SLC16A4: variants seen among roughly 807,000 people sequenced by gnomAD.
The protein encoded by SLC16A4 is solute carrier family 16 member 4.
Under a neutral mutation model 47.9 loss-of-function variants are expected in SLC16A4, and 39 were observed. The ratio of observed to expected loss-of-function variants is 0.81; its 90% CI spans 0.63 to 1.06. The LOEUF is 1.06. Ranked by LOEUF, SLC16A4 falls within the 50% of genes least tolerant of loss-of-function variation. The pLI is 0.00. For missense variants in SLC16A4, 524 were observed against 573.8 expected, an observed-to-expected ratio of 0.91 and a Z score of 0.89; for synonymous variants, 189 against 199.9, an observed-to-expected ratio of 0.95 and a Z score of 0.46.
chr1:110,381,934 T>C, intron 3 of SLC16A4, 139 bp from the exon 4 acceptor site: 2 of 814,546 alleles, frequency 2.5e-6, no homozygotes, highest in Non-Finnish European at 3.8e-6. Flanking sequence ...CAAAAAAGAT[T>C]TTCATATCGG....
chr1:110,378,835 T>C lies in SLC16A4; in HGVS notation c.1030+18A>G. ...TGATCTTTCCTTTTGGGTAGGAGGCTGATGTAGGCTTTCTTACCTGCTACA... is the reference window on the plus strand; with the variant it reads ...TGATCTTTCCTTTTGGGTAGGAGGCCGATGTAGGCTTTCTTACCTGCTACA... On this transcript the variant is annotated intron_variant, in intron 6 of 8. Coordinates refer to ENST00000369779, the MANE Select transcript of SLC16A4 (RefSeq NM_004696.3). 4 of 1,575,974 alleles carry C rather than the reference T, an allele frequency of 2.5e-6. No individual in the cohort carries two copies. The highest frequency in any genetic ancestry group is 3.4e-6 in the Non-Finnish European group (4 of 1,162,932).
chr1:110,385,228 T>C (rs1413707021), intron 2 of SLC16A4, among the ~76,000 whole-genome samples: 1 of 152,198 alleles, frequency 6.6e-6, no homozygotes, highest in African/African-American at 2.4e-5. Flanking sequence ...TCCAGGCTGT[T>C]CTTCCTACTG....
At chr1:110,377,323 T>TA (rs1662063983) in intron 6 of SLC16A4, among the ~76,000 whole-genome samples, 162 bp from the exon 7 acceptor site, 1 of 152,214 alleles carries the variant, frequency 6.6e-6, no homozygotes. Flanking sequence ...TATACTTACC[T>TA]ATTCCAAATA....
At chr1:110,376,421 A>G (rs1406573297) in intron 7 of SLC16A4, among the ~76,000 whole-genome samples, 4 of 152,154 alleles carry the variant, frequency 2.6e-5, no homozygotes, top group African/African-American at 9.7e-5. Flanking sequence ...CAGAACACTG[A>G]AGTGTTTGTA....
Position 110,381,605 on chromosome 1 carries a change from G to A in SLC16A4, c.364+47C>T, listed in dbSNP as rs768796815. On this transcript the variant is annotated intron_variant, in intron 4 of 8. Transcript: ENST00000369779. ...CAAAGTGCTAGGATTACAAGTGTGA[G>A]CCACCACTCCTGGCCTTCTATGGTC... is the stretch of plus-strand genomic sequence containing the variant. 15 of 1,579,594 alleles carry A rather than the reference G, an allele frequency of 9.5e-6. No individual in the cohort carries two copies. In the South Asian group the frequency reaches 1.6e-4, roughly 17 times the overall value.
intron 8 of SLC16A4, among the ~76,000 whole-genome samples, chr1:110,368,348 A>C (rs1036155243): frequency 2.6e-5 from 4 of 152,204 alleles, no homozygotes; most frequent in Admixed American, 2.6e-4. Context: ...GCCTGGTATT[A>C]CTGTATGTAG....
intron 2 of SLC16A4, among the ~76,000 whole-genome samples, chr1:110,383,805 G>GGTTTT (rs1557913543): frequency 9.1e-5 from 6 of 65,760 alleles, no homozygotes; most frequent in African/African-American, 2.0e-4. Flanking sequence ...TTAAAAGGAG[G>GGTTTT]TTTTTTTTTT....
At chr1:110,382,757 C>CA in intron 3 of SLC16A4, 77 bp downstream of exon 3, 12 of 1,336,664 alleles carry the variant, frequency 9.0e-6, no homozygotes, top group Non-Finnish European at 1.2e-5. Context: ...AATTCCTATT[C>CA]AGTCTTGAAT....
At position 110,379,347 on chromosome 1, in the gene SLC16A4, A is replaced by G. The variant is rs186982557; in HGVS notation, c.536T>C (p.Ile179Thr). ...ATTCAATGCGATAGCTCCAAATAAT[A>G]TAAGGGCTCCTAAATAGGGAGAGAT... ...IDLYDWTGALILFGAIALNLV... is the reference protein window; with the variant it reads ...IDLYDWTGALTLFGAIALNLV... The change falls in exon 6 of 9, where the codon ATA becomes ACA. Residue 179 changes from isoleucine to threonine, a missense_variant. Coordinates refer to ENST00000369779, the MANE Select transcript of SLC16A4 (RefSeq NM_004696.3). The G allele has an allele frequency of 1.3e-6, 2 of 1,596,904 alleles. No individual in the cohort carries two copies. The highest frequency in any genetic ancestry group is 4.5e-5 in the East Asian group (2 of 44,478).
At chr1:110,375,383 G>A in intron 8 of SLC16A4, 75 bp downstream of exon 8, 1 of 843,114 alleles carries the variant, frequency 1.2e-6, no homozygotes, top group Non-Finnish European at 2.1e-6. Context: ...ATCATTACAT[G>A]TTACCATTAA....
chr1:110,368,603 CTCTTT>C (rs1661521415), intron 8 of SLC16A4, among the ~76,000 whole-genome samples: 1 of 152,146 alleles, frequency 6.6e-6, no homozygotes, highest in Non-Finnish European at 1.5e-5. Flanking sequence ...CTAGTCCAGA[CTCTTT>C]TCTTATATCT....
chr1:110,383,823 T>G (rs1196187432), intron 2 of SLC16A4, among the ~76,000 whole-genome samples: 13 of 146,884 alleles, frequency 8.9e-5, no homozygotes, highest in Admixed American at 1.4e-4. Flanking sequence ...TTTTTTTTTT[T>G]TTTTTTTTTG....
intron 7 of SLC16A4, among the ~76,000 whole-genome samples, chr1:110,376,612 T>C (rs932728859): frequency 2.0e-5 from 3 of 152,208 alleles, no homozygotes; most frequent in Non-Finnish European, 2.9e-5. Context: ...ATCTTTTCTT[T>C]AAGATTGTGT....
At chr1:110,379,540 A>G (rs1662235363) in intron 5 of SLC16A4, among the ~76,000 whole-genome samples, 184 bp from the exon 6 acceptor site, 1 of 151,876 alleles carries the variant, frequency 6.6e-6, no homozygotes, top group African/African-American at 2.4e-5. Flanking sequence ...AGTGCTTTGG[A>G]GATAGAAAAC....
Position 110,389,215 on chromosome 1 carries a change from G to A in SLC16A4, c.87+22C>T, listed in dbSNP as rs567169294. 1.8e-5 allele frequency: 28 copies of A among 1,587,392 alleles called. No individual in the cohort carries two copies. The African/African-American group carries it at 3.0e-4, about 17-fold the overall frequency. On this transcript the variant is annotated intron_variant, in intron 2 of 8. Coordinates refer to ENST00000369779, the MANE Select transcript of SLC16A4 (RefSeq NM_004696.3). ...AGCCTGCTTTTAGGCAATAGGAAAG[G>A]GGGAAAAAAGTGAATTCTTACCAGG...
intron 8 of SLC16A4, chr1:110,370,537 G>T (rs1265252149): frequency 6.6e-6 from 1 of 152,126 alleles, no homozygotes; most frequent in Non-Finnish European, 1.5e-5. Flanking sequence ...GTGATAATGG[G>T]ACAGAGATGA....
intron 8 of SLC16A4, among the ~76,000 whole-genome samples, chr1:110,368,736 C>T (rs1427987389): frequency 6.6e-6 from 1 of 151,898 alleles, no homozygotes; most frequent in African/African-American, 2.4e-5. Flanking sequence ...ATTTTTTTTA[C>T]AGTCAGTTAA....
At chr1:110,381,257 A>G in intron 4 of SLC16A4, 114 bp from the exon 5 acceptor site, 1 of 872,864 alleles carries the variant, frequency 1.1e-6, no homozygotes, top group Admixed American at 2.5e-5. Context: ...ACCCAGGAAC[A>G]GTAGAAGGGA....
intron 3 of SLC16A4, among the ~76,000 whole-genome samples, chr1:110,382,628 T>G (rs1662470281): frequency 6.6e-6 from 1 of 152,192 alleles, no homozygotes; most frequent in African/African-American, 2.4e-5. Context: ...TCCTCAGCTT[T>G]CTTTGTTTGA....
Sources: gnomAD v4.1 joint callset for allele counts (sites outside exome capture counted in the v4.1 genomes callset) on GRCh38, gnomAD v4.1.1 for gene constraint, MANE v1.5 for transcripts, NCBI Gene and HGNC (gene_info 2026-07-23, HGNC 2026-07-21) for gene names.